PRKG2: variants seen among roughly 807,000 people sequenced by gnomAD.
PRKG2 encodes cGMP-dependent protein kinase 2.
PRKG2 carries 33 observed loss-of-function variants against 97.2 expected under a neutral mutation model. The ratio of observed to expected loss-of-function variants is 0.34; its 90% CI spans 0.26 to 0.45. PRKG2 has a LOEUF of 0.45. Among genes scored for constraint, PRKG2 ranks in the 20% least tolerant of loss-of-function variants. The pLI, the probability that PRKG2 is intolerant of heterozygous loss-of-function variation, is 1.00. For synonymous variants in PRKG2, 330 were observed against 321.8 expected, an observed-to-expected ratio of 1.03 and a Z score of -0.27; for missense variants, 638 against 900.0, an observed-to-expected ratio of 0.71 and a Z score of 3.73.
At chr4:81,191,206 G>A (rs1387909804) in intron 2 of PRKG2, among the ~76,000 whole-genome samples, 2 of 152,244 alleles carry the variant, frequency 1.3e-5, no homozygotes, top group East Asian at 3.9e-4. Context: ...GTGATAAACT[G>A]GATAAAGAAA....
At chr4:81,179,899 T>C (rs1396519563) in intron 2 of PRKG2, among the ~76,000 whole-genome samples, 1 of 151,992 alleles carries the variant, frequency 6.6e-6, no homozygotes, top group African/African-American at 2.4e-5. Flanking sequence ...CCCAGCACTT[T>C]AGGAGGCTGA....
chr4:81,133,467 C>A (rs1403226223), intron 14 of PRKG2, among the ~76,000 whole-genome samples: 6 of 152,114 alleles, frequency 3.9e-5, no homozygotes, highest in Non-Finnish European at 1.5e-5. Context: ...TTGCTAGGTG[C>A]ATGTAAGATG....
At chr4:81,183,589 G>A (rs1410203838) in intron 2 of PRKG2, among the ~76,000 whole-genome samples, 1 of 152,008 alleles carries the variant, frequency 6.6e-6, no homozygotes, top group Non-Finnish European at 1.5e-5. Flanking sequence ...TGAGCTAGCT[G>A]CAGGAATTTT....
Position 81,119,776 on chromosome 4 carries a change from A to G in PRKG2, c.1777-9165T>C, listed in dbSNP as rs539671214. ...TGCAAGCTCCACCTCCCGGGTTCACACCATTCTCCTGCCTCAGCCTCCCGA... is the reference window on the plus strand; with the variant it reads ...TGCAAGCTCCACCTCCCGGGTTCACGCCATTCTCCTGCCTCAGCCTCCCGA... On this transcript the variant is annotated intron_variant, in intron 14 of 18. Coordinates refer to ENST00000264399, the MANE Select transcript of PRKG2 (RefSeq NM_006259.3). Among the ~76,000 whole-genome samples, 25 of 151,220 alleles carry G rather than the reference A, an allele frequency of 1.7e-4. No homozygotes were observed. The South Asian group carries it at 4.8e-3, about 29-fold the overall frequency.
chr4:81,118,201 C>T (rs989219695), intron 14 of PRKG2, among the ~76,000 whole-genome samples: 11 of 152,134 alleles, frequency 7.2e-5, no homozygotes, highest in African/African-American at 2.7e-4. Flanking sequence ...GAAAAATACT[C>T]CATTGTCTGG....
chr4:81,203,682 T>G (rs1374894560), intron 2 of PRKG2, among the ~76,000 whole-genome samples: 1 of 151,922 alleles, frequency 6.6e-6, no homozygotes, highest in Non-Finnish European at 1.5e-5. Flanking sequence ...ACCCAGAAAA[T>G]CAAACTTTCG....
intron 6 of PRKG2, among the ~76,000 whole-genome samples, chr4:81,155,204 A>G (rs1484543957): frequency 2.0e-5 from 3 of 150,586 alleles, no homozygotes; most frequent in Non-Finnish European, 4.4e-5. Context: ...AGAATGTATA[A>G]CTAGGATAAC....
At chr4:81,125,664 C>T (rs140264166) in intron 14 of PRKG2, among the ~76,000 whole-genome samples, 20 of 152,250 alleles carry the variant, frequency 1.3e-4, no homozygotes, top group African/African-American at 4.8e-4. Context: ...AATAGGTATA[C>T]GTTTGACTCA....
At chr4:81,197,587 A>C (rs1753040927) in intron 2 of PRKG2, among the ~76,000 whole-genome samples, 1 of 149,748 alleles carries the variant, frequency 6.7e-6, no homozygotes, top group African/African-American at 2.5e-5. Flanking sequence ...TGGGCTAGTT[A>C]CTTACTCTTA....
At chr4:81,126,710 T>C (rs1745614510) in intron 14 of PRKG2, among the ~76,000 whole-genome samples, 1 of 152,134 alleles carries the variant, frequency 6.6e-6, no homozygotes, top group Non-Finnish European at 1.5e-5. Context: ...CTTTGCCCAC[T>C]TTTTGATGGT....
intron 2 of PRKG2, among the ~76,000 whole-genome samples, chr4:81,181,651 G>T (rs1164858893): frequency 6.6e-6 from 1 of 151,652 alleles, no homozygotes; most frequent in Non-Finnish European, 1.5e-5. Flanking sequence ...AAGAGAGGGA[G>T]GAGGTATAAT....
intron 1 of PRKG2, among the ~76,000 whole-genome samples, chr4:81,208,873 C>T (rs1753819999): frequency 6.6e-6 from 1 of 152,174 alleles, no homozygotes; most frequent in South Asian, 2.1e-4. Context: ...GACACGGAGC[C>T]AGTTCATAAC....
rs1292224436 is a variant in PRKG2, at chr4:81,110,331, C to T, written c.1940+117G>A. 4.5e-6 allele frequency: 5 copies of T among 1,117,060 alleles called. No homozygotes were observed. In the African/African-American group the frequency reaches 4.8e-5, roughly 11 times the overall value. 69.2% of individuals were successfully genotyped at this position (1,117,060 alleles called of 1,614,324 possible). On this transcript the variant is annotated intron_variant, in intron 15 of 18. Coordinates refer to ENST00000264399, the MANE Select transcript of PRKG2 (RefSeq NM_006259.3). ...AATGTCATGAGAAAAAGGTATCATA[C>T]TTAATCGAAAACATTTTCAAAATGT...
Position 81,171,809 on chromosome 4 carries a change from C to T in PRKG2, c.629-5G>A, listed in dbSNP as rs912550193. The T allele has an allele frequency of 1.4e-5, 22 of 1,584,932 alleles. No homozygotes were observed. The highest frequency in any genetic ancestry group is 1.7e-5 in the Non-Finnish European group (20 of 1,165,572). On this transcript the variant is annotated splice_region_variant and splice_polypyrimidine_tract_variant and intron_variant, in intron 3 of 18. Transcript: ENST00000264399. Reference sequence around the variant, plus strand: ...GGAACACCTCTAGTCGACCCTCTATCAAGCAGAATTTTAAAAAACACACAC... The same window carrying T: ...GGAACACCTCTAGTCGACCCTCTATTAAGCAGAATTTTAAAAAACACACAC...
chr4:81,141,329 C>T (rs1747266826), intron 11 of PRKG2, among the ~76,000 whole-genome samples: 1 of 152,074 alleles, frequency 6.6e-6, no homozygotes, highest in South Asian at 2.1e-4. Context: ...ATATCTGTAC[C>T]ATCCAATATG....
chr4:81,187,954 A>G (rs996686260), intron 2 of PRKG2, among the ~76,000 whole-genome samples: 7 of 152,178 alleles, frequency 4.6e-5, no homozygotes, highest in African/African-American at 1.7e-4. Flanking sequence ...TTCAGGACAT[A>G]GGCATGGGCA....
Position 81,144,327 on chromosome 4 carries a change from T to A in PRKG2, c.1158A>T (p.Thr386=). 1 of 1,604,960 alleles carries A rather than the reference T, an allele frequency of 6.2e-7. No individual in the cohort carries two copies. The highest frequency in any genetic ancestry group is 8.5e-7 in the Non-Finnish European group (1 of 1,172,138). ...DVACLVIDRE[T]FNQTVGTFEE... ...CAAATGTACCGACAGTTTGGTTGAATGTTCTAAATAGATAGAATAAAGTAA... is the reference window on the plus strand; with the variant it reads ...CAAATGTACCGACAGTTTGGTTGAAAGTTCTAAATAGATAGAATAAAGTAA... Residue 386 remains threonine (T), a synonymous_variant, in exon 10 of 19, where the codon ACA becomes ACT. Transcript: ENST00000264399.
chr4:81,119,535 G>A (rs1241606505), intron 14 of PRKG2, among the ~76,000 whole-genome samples: 2 of 152,062 alleles, frequency 1.3e-5, no homozygotes, highest in Non-Finnish European at 2.9e-5. Flanking sequence ...TCTTGACATT[G>A]GGAAGTGTCA....
chr4:81,169,730 C>A lies in PRKG2; in HGVS notation c.781G>T (p.Val261Leu), dbSNP rs180794545. ...GTCCTCCTCATTATATTCTGGAATA[C>A]CTCTCGATCTAGTGCCCATGTTTTA... ...NVKTWALDRE[V>L]FQNIMRRTAQ... The change falls in exon 5 of 19, where the codon GTA becomes TTA. Residue 261 changes from valine (V) to leucine (L), a missense_variant. By Grantham distance (32) the Val-to-Leu change is conservative. This residue lies in a region of PRKG2 where 332 missense variants were observed against 421.7 expected (regional missense o/e 0.79). Coordinates refer to ENST00000264399, the MANE Select transcript of PRKG2 (RefSeq NM_006259.3). 6.2e-7 allele frequency: 1 copy of A among 1,609,420 alleles called. No individual in the cohort carries two copies. Among genetic ancestry groups the A allele is most frequent in the Admixed American group, 1.7e-5 (1 of 59,266 alleles).
Sources: allele counts gnomAD v4.1 joint callset (sites outside exome capture counted in the v4.1 genomes callset), GRCh38; gene constraint gnomAD v4.1.1; regional missense constraint gnomAD v4.1.1; transcripts MANE v1.5; gene names NCBI Gene and HGNC (gene_info 2026-07-23, HGNC 2026-07-21).